Variants in APC2 observed in about 807,000 individuals in gnomAD.
APC2 encodes adenomatous polyposis coli protein 2.
In APC2, 41 loss-of-function variants were observed where a neutral mutation model predicts 72.5. That is an observed-to-expected ratio of 0.57 (90% CI 0.44 to 0.73). The LOEUF (loss-of-function observed/expected upper bound fraction) is 0.73, where lower values mean the gene tolerates loss of function less well. Among genes scored for constraint, APC2 ranks in the 30% least tolerant of loss-of-function variants. APC2 has a pLI of 0.00. For synonymous variants in APC2, 1,898 were observed against 1,612.0 expected, an observed-to-expected ratio of 1.18 and a Z score of -4.25; for missense variants, 3,729 against 3,403.4, an observed-to-expected ratio of 1.10 and a Z score of -2.38.
intron 9 of APC2, chr19:1,457,753 G>A: frequency 1.7e-6 from 1 of 600,962 alleles, no homozygotes; most frequent in Admixed American, 2.8e-5. Flanking sequence ...GGTGCTCCAG[G>A]AACTACCTCG....
Position 1,453,243 on chromosome 19 carries a change from G to T in APC2, c.142-4G>T. On this transcript the variant is annotated splice_region_variant and splice_polypyrimidine_tract_variant and intron_variant, in intron 2 of 14. Transcript: ENST00000590469. Reference sequence around the variant, plus strand: ...GCTTCCCGCCCTCTTTCCCGCCCCTGCAGGAGGTCCTGAAGCACCTACAGG... The same window carrying T: ...GCTTCCCGCCCTCTTTCCCGCCCCTTCAGGAGGTCCTGAAGCACCTACAGG... The T allele has an allele frequency of 6.4e-7, 1 of 1,560,814 alleles. No homozygotes were observed. The highest frequency in any genetic ancestry group is 8.7e-7 in the Non-Finnish European group (1 of 1,152,648).
At chr19:1,461,642 G>A in intron 13 of APC2, 1 of 350,368 alleles carries the variant, frequency 2.9e-6, no homozygotes, top group East Asian at 5.7e-5. Flanking sequence ...CACAAGGTCA[G>A]GAGATCGAGA....
rs1188154676 is a variant in APC2 at position 1,467,689 on chromosome 19, C to A, written c.4388C>A (p.Ala1463Glu). The A allele has an allele frequency of 2.8e-5, 41 of 1,470,744 alleles. No homozygotes were observed. The East Asian group carries it at 9.8e-4, about 35-fold the overall frequency. The allele number at this position is 1,470,744 out of a possible 1,614,324, so 91.1% of individuals were successfully genotyped here. The change falls in exon 15 of 15, where the codon GCA becomes GAA. Residue 1463 changes from alanine to glutamate, a missense_variant. Transcript: ENST00000590469. Reference sequence around the variant, plus strand: ...TCTCGGGGCGCGGGCAAGAACAGAGCAGGGCTGGAGCTGCCCCTGGGCCGG... The same window carrying A: ...TCTCGGGGCGCGGGCAAGAACAGAGAAGGGCTGGAGCTGCCCCTGGGCCGG... Reference protein sequence around the residue: ...EQSRGAGKNRAGLELPLGRPP... With the variant: ...EQSRGAGKNREGLELPLGRPP...
At chr19:1,459,619 T>C (rs2083892428) in intron 10 of APC2, among the ~76,000 whole-genome samples, 1 of 152,234 alleles carries the variant, frequency 6.6e-6, no homozygotes, top group South Asian at 2.1e-4. Flanking sequence ...CATTTGCCTC[T>C]GTTGTCTTTG....
At position 1,453,107 on chromosome 19, in the gene APC2, C is replaced by G; in HGVS notation, c.106C>G (p.Leu36Val). 2 of 1,607,316 alleles carry G rather than the reference C, an allele frequency of 1.2e-6. No individual in the cohort carries two copies. The highest frequency in any genetic ancestry group is 1.1e-5 in the South Asian group (1 of 90,040). ...GGAGCTAAGGGACAACTCCAGCCAC[C>G]TGTCCAAGCTGGAGACAGAGACGTC... ...RQELRDNSSH[L>V]SKLETETSGM... The change falls in exon 2 of 15, where the codon CTG becomes GTG. Residue 36 changes from leucine (L) to valine (V), a missense_variant. Coordinates refer to ENST00000590469, the MANE Select transcript of APC2 (RefSeq NM_005883.3).
chr19:1,448,869 A>G (rs2083712196), upstream of APC2, among the ~76,000 whole-genome samples: 1 of 151,580 alleles, frequency 6.6e-6, no homozygotes, highest in Non-Finnish European at 1.5e-5. Context: ...AAAAAAAAGA[A>G]AAAGAAAAAA....
chr19:1,468,320 G>A lies in APC2; in HGVS notation c.5019G>A (p.Ala1673=), dbSNP rs1346856274. 9 of 1,550,742 alleles carry A rather than the reference G, an allele frequency of 5.8e-6. No individual in the cohort carries two copies. Among genetic ancestry groups the A allele is most frequent in the Non-Finnish European group, 1.7e-6 (2 of 1,148,870 alleles). ...CCCGGGAACGCGGCGAGGAGGCAGC[G>A]GGCTCGGACCGGGCCTCCGACCTGG... The part of the protein sequence containing the change: ...EGSRERGEEA[A]GSDRASDLDS... Residue 1673 remains alanine (A), a synonymous_variant, in exon 15 of 15, where the codon GCG becomes GCA. Transcript: ENST00000590469.
intron 13 of APC2, 133 bp from the exon 14 acceptor site, chr19:1,461,830 G>C (rs774838514): frequency 5.5e-5 from 40 of 726,602 alleles, no homozygotes; most frequent in Non-Finnish European, 7.5e-5. Context: ...CCAGCCTGGG[G>C]GAGAGAGTGA....
upstream of APC2, among the ~76,000 whole-genome samples, chr19:1,447,329 A>G (rs2083696701): frequency 6.6e-6 from 1 of 152,242 alleles, no homozygotes; most frequent in East Asian, 1.9e-4. Context: ...GCTCGAGGTC[A>G]GACTCAGAAG....
Position 1,466,408 on chromosome 19 carries a change from T to A in APC2, c.3107T>A (p.Leu1036Gln). 6.3e-7 allele frequency: 1 copy of A among 1,595,942 alleles called. No homozygotes were observed. Among genetic ancestry groups the A allele is most frequent in the Non-Finnish European group, 8.5e-7 (1 of 1,177,578 alleles). Reference sequence around the variant, plus strand: ...CAGGCCTGGCTGCCGGCAGACCACCTGAGCAAGGTTCCCGAGAAGCTGGCG... The same window carrying A: ...CAGGCCTGGCTGCCGGCAGACCACCAGAGCAAGGTTCCCGAGAAGCTGGCG... Reference protein sequence around the residue: ...RKQAWLPADHLSKVPEKLAAA... With the variant: ...RKQAWLPADHQSKVPEKLAAA... The change falls in exon 15 of 15, where the codon CTG (leucine) becomes CAG (glutamine). Residue 1036 changes from leucine (L) to glutamine (Q), a missense_variant. Leu to Gln is a moderately radical substitution (Grantham distance 113). Transcript: ENST00000590469.
chr19:1,467,914 C>T lies in APC2; in HGVS notation c.4613C>T (p.Thr1538Met). 2 of 1,584,172 alleles carry T rather than the reference C, an allele frequency of 1.3e-6. No individual in the cohort carries two copies. The highest frequency in any genetic ancestry group is 1.1e-5 in the South Asian group (1 of 89,276). The change falls in exon 15 of 15, where the codon ACG becomes ATG. Residue 1538 changes from threonine to methionine, a missense_variant. Transcript: ENST00000590469. The part of the protein sequence containing the change: ...RRTSAIPRAF[T>M]RERPQGRKEA... ...ACATCGGCCATCCCTCGCGCTTTTA[C>T]GCGGGAGCGTCCGCAGGGCCGGAAG...
intron 10 of APC2, 44 bp from the exon 11 acceptor site, chr19:1,460,137 C>A (rs1187794119): frequency 1.2e-6 from 2 of 1,611,034 alleles, no homozygotes; most frequent in East Asian, 2.2e-5. Flanking sequence ...GGGCAGCAGG[C>A]AGGGTCATCC....
In APC2 at chr19:1,470,512, T is replaced by G; in HGVS notation, c.*299T>G. 2 of 324,266 alleles carry G rather than the reference T, an allele frequency of 6.2e-6. No individual in the cohort carries two copies. Among genetic ancestry groups the G allele is most frequent in the East Asian group, 5.5e-5 (1 of 18,244 alleles). The allele number at this position is 324,266 out of a possible 1,614,324, so 20.1% of individuals were successfully genotyped here. On this transcript the variant is annotated 3_prime_UTR_variant, in exon 15 of 15. Transcript: ENST00000590469. ...CCCTGAGCGCGCGGCCCTTCCCCTGTCGGAAGCCGTTGCTTGACCCCGGGC... is the reference window on the plus strand; with the variant it reads ...CCCTGAGCGCGCGGCCCTTCCCCTGGCGGAAGCCGTTGCTTGACCCCGGGC...
chr19:1,449,147 C>T (rs2083714737), upstream of APC2, among the ~76,000 whole-genome samples: 1 of 152,244 alleles, frequency 6.6e-6, no homozygotes. Flanking sequence ...CTTGCAGAAT[C>T]TTCCGCCTCC....
At chr19:1,451,507 ACCTGACTTCCAGTCCCTGTGCC>A (rs1353031572) in intron 1 of APC2, 1 of 152,148 alleles carries the variant, frequency 6.6e-6, no homozygotes, top group Non-Finnish European at 1.5e-5. Flanking sequence ...AGCCTCTGCC[ACCTGACTTCCAGTCCCTGTGCC>A]CCTCCCACCC....
At chr19:1,450,094 T>TCCC, upstream of APC2, 2 of 966,736 alleles carry the variant, frequency 2.1e-6, no homozygotes, top group Non-Finnish European at 1.2e-6. Context: ...CTCACCCGCA[T>TCCC]CCCTCATCCC....
At chr19:1,446,304 T>C, upstream of APC2, 2 of 983,532 alleles carry the variant, frequency 2.0e-6, no homozygotes, top group Middle Eastern at 1.0e-3. The surrounding 1 kb of genome is among the most constrained non-coding windows in gnomAD (Gnocchi z 6.1). Flanking sequence ...CTCCTGGGGC[T>C]CCTGAGCCTG....
intron 5 of APC2, 31 bp downstream of exon 5, chr19:1,455,288 CGCCCGCCCCACTCAGGGTGCGGGAAGCG>C: frequency 6.4e-7 from 1 of 1,564,460 alleles, no homozygotes; most frequent in Middle Eastern, 2.0e-4. Flanking sequence ...GGGGGCAGCG[CGCCCGCCCCACTCAGGGTGCGGGAAGCG>C]GCGTGGGGGA....
intron 7 of APC2, 71 bp from the exon 8 acceptor site, chr19:1,456,235 C>T (rs2083823590): frequency 4.5e-6 from 7 of 1,555,488 alleles, no homozygotes; most frequent in Non-Finnish European, 6.1e-6. Flanking sequence ...CCCGCCCCCG[C>T]CCACATCATC....
Sources: gnomAD v4.1 joint callset for allele counts (sites outside exome capture counted in the v4.1 genomes callset) on GRCh38, gnomAD v4.1.1 for gene constraint, Gnocchi (gnomAD v3.1) non-coding constraint, MANE v1.5 for transcripts, NCBI Gene and HGNC (gene_info 2026-07-23, HGNC 2026-07-21) for gene names.